Variants in PHF20L1 observed in about 807,000 individuals in gnomAD.
PHF20L1 encodes PHD finger protein 20-like protein 1.
PHF20L1 carries 44 observed loss-of-function variants against 125.5 expected under a neutral mutation model. The observed-to-expected ratio is 0.35, with a 90% CI of 0.28 to 0.45. PHF20L1 has a LOEUF of 0.45. Among genes scored for constraint, PHF20L1 ranks in the 20% least tolerant of loss-of-function variants. PHF20L1 has a pLI of 1.00. For synonymous variants in PHF20L1, 380 were observed against 403.1 expected, an observed-to-expected ratio of 0.94 and a Z score of 0.69; for missense variants, 1,012 against 1,217.2, an observed-to-expected ratio of 0.83 and a Z score of 2.51.
chr8:132,820,709 T>C (rs1363639122), intron 12 of PHF20L1, among the ~76,000 whole-genome samples: 1 of 151,988 alleles, frequency 6.6e-6, no homozygotes, highest in Non-Finnish European at 1.5e-5. Context: ...ACAATGTTGA[T>C]GTTTTACTTA....
intron 2 of PHF20L1, 57 bp from the exon 3 acceptor site, chr8:132,794,353 C>T (rs1832142930): frequency 9.2e-7 from 1 of 1,084,040 alleles, no homozygotes. Context: ...ATGTATAATG[C>T]TTTGTATAAA....
At chr8:132,775,896 C>T (rs111278567) in intron 1 of PHF20L1, among the ~76,000 whole-genome samples, 1,762 of 152,290 alleles carry the variant, frequency 0.012, 19 homozygotes, top group Non-Finnish European at 0.015. Context: ...CCTTTCCTGC[C>T]TGTCTCGTGC....
At chr8:132,845,579 A>G (rs999165590) in intron 20 of PHF20L1, among the ~76,000 whole-genome samples, 2 of 152,048 alleles carry the variant, frequency 1.3e-5, no homozygotes, top group Non-Finnish European at 1.5e-5. Context: ...AATGACAGAT[A>G]AAAATTGCCA....
intron 10 of PHF20L1, chr8:132,815,381 C>T (rs1834850408): frequency 6.6e-6 from 1 of 151,254 alleles, no homozygotes; most frequent in Non-Finnish European, 1.5e-5. Context: ...AAAGATTTTA[C>T]TGTTTCAGTA....
Position 132,795,681 on chromosome 8 carries a change from C to T in PHF20L1, c.340+864C>T, listed in dbSNP as rs374824126. 4.6e-5 allele frequency among the ~76,000 whole-genome samples: 7 copies of T among 152,100 alleles called. No individual in the cohort carries two copies. The South Asian group carries it at 8.3e-4, about 18-fold the overall frequency. On this transcript the variant is annotated intron_variant, in intron 4 of 20. Transcript: ENST00000395386. ...ACTTACGGTAGTCCTTCCTTATCCACGGGGGATACATTCCAAGACCCCCAG... is the reference window on the plus strand; with the variant it reads ...ACTTACGGTAGTCCTTCCTTATCCATGGGGGATACATTCCAAGACCCCCAG...
intron 4 of PHF20L1, among the ~76,000 whole-genome samples, chr8:132,796,323 G>T (rs1005087180): frequency 2.6e-5 from 4 of 152,032 alleles, no homozygotes; most frequent in Non-Finnish European, 5.9e-5. Context: ...GAAGTGTCAT[G>T]TAATCTTGCT....
Position 132,802,002 on chromosome 8 carries a change from T to C in PHF20L1, c.508-1817T>C, listed in dbSNP as rs944569331. On this transcript the variant is annotated intron_variant, in intron 6 of 20. Coordinates refer to ENST00000395386, the MANE Select transcript of PHF20L1 (RefSeq NM_016018.5). ...TGACAACTTAAAATTTTCCCCGCAATGTGGAACCCAGGATTAAATGCTCTA... is the reference window on the plus strand; with the variant it reads ...TGACAACTTAAAATTTTCCCCGCAACGTGGAACCCAGGATTAAATGCTCTA... 2.0e-5 allele frequency among the ~76,000 whole-genome samples: 3 copies of C among 151,702 alleles called. No individual in the cohort carries two copies. In the South Asian group the frequency reaches 6.2e-4, roughly 31 times the overall value.
chr8:132,806,513 A>G (rs934883661), intron 8 of PHF20L1: 1 of 152,034 alleles, frequency 6.6e-6, no homozygotes, highest in Non-Finnish European at 1.5e-5. Flanking sequence ...ATGTGAAACC[A>G]TTATGATCTT....
intron 4 of PHF20L1, among the ~76,000 whole-genome samples, chr8:132,798,432 T>C (rs1278698902): frequency 3.3e-5 from 5 of 152,026 alleles, no homozygotes; most frequent in Non-Finnish European, 7.4e-5. Context: ...TATGGAAATA[T>C]TATATATTTT....
intron 2 of PHF20L1, among the ~76,000 whole-genome samples, chr8:132,779,071 G>A (rs186555927): frequency 3.5e-3 from 533 of 152,254 alleles, no homozygotes; most frequent in Non-Finnish European, 5.3e-3. Flanking sequence ...AACATCTGGC[G>A]TTAGAGCTTG....
intron 2 of PHF20L1, among the ~76,000 whole-genome samples, chr8:132,793,663 TTAAC>T (rs747104339): frequency 1.9e-4 from 29 of 152,224 alleles, no homozygotes; most frequent in Admixed American, 3.3e-4. Context: ...AGATTTTAAG[TTAAC>T]TAATTCCTAT....
intron 2 of PHF20L1, among the ~76,000 whole-genome samples, chr8:132,786,480 ATAGATAACT>A (rs1168998968): frequency 6.6e-6 from 1 of 152,168 alleles, no homozygotes; most frequent in Non-Finnish European, 1.5e-5. Flanking sequence ...TAAGAAAAAA[ATAGATAACT>A]TGATTTTTGT....
At chr8:132,802,835 C>A (rs1355400818) in intron 6 of PHF20L1, among the ~76,000 whole-genome samples, 1 of 151,738 alleles carries the variant, frequency 6.6e-6, no homozygotes, top group African/African-American at 2.4e-5. Context: ...GAATTAAATT[C>A]ATTTGATGTT....
At chr8:132,818,085 T>C in intron 12 of PHF20L1, 1 of 152,046 alleles carries the variant, frequency 6.6e-6, no homozygotes, top group East Asian at 1.9e-4. Context: ...TTTGCATGAT[T>C]TTGTGATATT....
At chr8:132,825,770 T>A (rs1836108371) in intron 14 of PHF20L1, among the ~76,000 whole-genome samples, 1 of 152,026 alleles carries the variant, frequency 6.6e-6, no homozygotes, top group Non-Finnish European at 1.5e-5. Flanking sequence ...GAATTTGGTA[T>A]CAGCAAAGGC....
intron 10 of PHF20L1, 84 bp from the exon 11 acceptor site, chr8:132,816,804 C>A: frequency 1.1e-6 from 1 of 882,656 alleles, no homozygotes. Context: ...GAATATAAAT[C>A]ATTTTTTCCC....
chr8:132,789,676 C>T (rs1206714171), intron 2 of PHF20L1, among the ~76,000 whole-genome samples: 2 of 152,082 alleles, frequency 1.3e-5, no homozygotes, highest in East Asian at 1.9e-4. Flanking sequence ...ACAAGACATA[C>T]GAGAGAGCAA....
Position 132,846,907 on chromosome 8 carries a change from A to G in PHF20L1, c.*984A>G, listed in dbSNP as rs371860878. On this transcript the variant is annotated 3_prime_UTR_variant, in exon 21 of 21. Coordinates refer to ENST00000395386, the MANE Select transcript of PHF20L1 (RefSeq NM_016018.5). ...ATATCAAAATAATTTGTGGCTGTGG[A>G]TTTTTTTAACTGCTAGTAGTGGAAT... is the stretch of plus-strand genomic sequence containing the variant. 2 of 152,456 alleles carry G rather than the reference A, an allele frequency of 1.3e-5. No individual in the cohort carries two copies. Among genetic ancestry groups the G allele is most frequent in the Middle Eastern group, 3.2e-3 (1 of 316 alleles). 9.4% of individuals were successfully genotyped at this position (152,456 alleles called of 1,614,324 possible).
At chr8:132,836,882 A>G (rs553524325) in intron 16 of PHF20L1, among the ~76,000 whole-genome samples, 161 bp downstream of exon 16, 1 of 152,258 alleles carries the variant, frequency 6.6e-6, no homozygotes, top group South Asian at 2.1e-4. Flanking sequence ...AGATTTCCTC[A>G]TTAAGTAAAG....
Sources: gnomAD v4.1 joint callset for allele counts (sites outside exome capture counted in the v4.1 genomes callset) on GRCh38, gnomAD v4.1.1 for gene constraint, MANE v1.5 for transcripts, NCBI Gene and HGNC (gene_info 2026-07-23, HGNC 2026-07-21) for gene names.